The following TTC6 variants were observed in gnomAD, a reference collection of about 807,000 sequenced individuals.
The protein encoded by TTC6 is tetratricopeptide repeat domain 6, also known as tetratricopeptide repeat protein 6.
A neutral mutation model predicts 210.4 loss-of-function variants in TTC6; 172 were observed. That is an observed-to-expected ratio of 0.82 (90% confidence interval 0.72 to 0.93). TTC6 has a LOEUF of 0.93. TTC6 is among the 40% of genes least tolerant of loss of function. The pLI, the probability that TTC6 is intolerant of heterozygous loss-of-function variation, is 0.00. For missense variants in TTC6, 2,414 were observed against 2,318.1 expected, an observed-to-expected ratio of 1.04 and a Z score of -0.85; for synonymous variants, 804 against 819.6, an observed-to-expected ratio of 0.98 and a Z score of 0.32.
intron 1 of TTC6, among the ~76,000 whole-genome samples, chr14:37,604,163 G>GGGA (rs2095620874): frequency 6.6e-6 from 1 of 152,174 alleles, no homozygotes; most frequent in African/African-American, 2.4e-5. Flanking sequence ...AGGAGGAGAA[G>GGGA]GGAGCTCTCC....
rs111609115 is a variant in TTC6, at chr14:37,775,850, G to A, written c.3267-11618G>A. Reference sequence around the variant, plus strand: ...GATAGTTAGATCTTCTTGTTGGATCGAACCCTTTACCATTATGTAATGCCC... The same window carrying A: ...GATAGTTAGATCTTCTTGTTGGATCAAACCCTTTACCATTATGTAATGCCC... On this transcript the variant is annotated intron_variant, in intron 14 of 30. Coordinates refer to ENST00000553443, the Ensembl canonical transcript of TTC6. 2.2e-3 allele frequency among the ~76,000 whole-genome samples: 341 copies of A among 152,170 alleles called. 3 individuals are homozygous for A. Among genetic ancestry groups the A allele is most frequent in the African/African-American group, 7.7e-3 (319 of 41,532 alleles).
At chr14:37,599,105 G>C (rs1162511313) in intron 1 of TTC6, among the ~76,000 whole-genome samples, 2 of 152,196 alleles carry the variant, frequency 1.3e-5, no homozygotes, top group Non-Finnish European at 2.9e-5. Context: ...TCACACGTGC[G>C]TGTGCCTGGC....
At chr14:37,602,101 C>T (rs958875999) in intron 1 of TTC6, among the ~76,000 whole-genome samples, 3 of 152,224 alleles carry the variant, frequency 2.0e-5, no homozygotes, top group Admixed American at 1.3e-4. Flanking sequence ...TCCGTTGGGG[C>T]CCCTGCTCTT....
At position 37,637,361 on chromosome 14, in the gene TTC6, C is replaced by T. The variant is rs73263323; in HGVS notation, c.939+14358C>T. Among the ~76,000 whole-genome samples, 393 of 152,244 alleles carry T rather than the reference C, an allele frequency of 2.6e-3. 1 individual carries two copies. Among genetic ancestry groups the T allele is most frequent in the African/African-American group, 8.4e-3 (349 of 41,544 alleles). ...TGTTCTACAAAAGACCCTGTTAAGA[C>T]GATGAAATGACAAGCTGTGGACTGG... On this transcript the variant is annotated intron_variant, in intron 1 of 30. Coordinates refer to ENST00000553443, the Ensembl canonical transcript of TTC6.
At chr14:37,626,808 CA>C (rs1219392339) in intron 1 of TTC6, among the ~76,000 whole-genome samples, 1 of 152,148 alleles carries the variant, frequency 6.6e-6, no homozygotes, top group African/African-American at 2.4e-5. Flanking sequence ...CCTAGCAAGA[CA>C]AAAAATTTTT....
intron 7 of TTC6, among the ~76,000 whole-genome samples, chr14:37,734,204 G>C (rs909624850): frequency 6.6e-6 from 1 of 152,240 alleles, no homozygotes; most frequent in African/African-American, 2.4e-5. Context: ...GACTACCCTC[G>C]TGATAGAACC....
At chr14:37,823,655 T>G in intron 26 of TTC6, 92 bp from the exon 29 acceptor site, 2 of 1,160,322 alleles carry the variant, frequency 1.7e-6, no homozygotes, top group Non-Finnish European at 2.4e-6. Flanking sequence ...AATTCAAATC[T>G]TTATGGAAAA....
intron 29 of TTC6, among the ~76,000 whole-genome samples, chr14:37,839,762 A>G (rs2096205885): frequency 6.6e-6 from 1 of 152,114 alleles, no homozygotes; most frequent in Non-Finnish European, 1.5e-5. Context: ...GTTTTCTTCT[A>G]GAGTTTTTAT....
chr14:37,840,832 C>T (rs960816847), intron 29 of TTC6, among the ~76,000 whole-genome samples: 3 of 150,638 alleles, frequency 2.0e-5, no homozygotes, highest in Non-Finnish European at 4.4e-5. Context: ...TAGCTCTATA[C>T]AGGGATCTGG....
Position 37,714,578 on chromosome 14 carries a change from G to A in TTC6, c.1572-77G>A, listed in dbSNP as rs963872472. 2.6e-6 allele frequency: 3 copies of A among 1,172,880 alleles called. No homozygotes were observed. The African/African-American group carries it at 4.6e-5, about 18-fold the overall frequency. 72.7% of individuals were successfully genotyped at this position (1,172,880 alleles called of 1,614,324 possible). A position where few individuals can be genotyped will look rare whatever the true frequency, so the allele number is the denominator to read the frequency against. On this transcript the variant is annotated intron_variant, in intron 5 of 30. Transcript: ENST00000553443. ...ATGTCCATGTGTTTATTTCAGTGGA[G>A]TTATGAAATGAGGGCAAACACCTTA...
chr14:37,732,831 C>A (rs2095891434), intron 7 of TTC6, among the ~76,000 whole-genome samples: 1 of 151,680 alleles, frequency 6.6e-6, no homozygotes, highest in Non-Finnish European at 1.5e-5. Context: ...TGGCTTCAAT[C>A]TCCTGACCTC....
chr14:37,835,222 C>T (rs1041829234), intron 29 of TTC6, among the ~76,000 whole-genome samples: 2 of 152,062 alleles, frequency 1.3e-5, no homozygotes, highest in Admixed American at 1.3e-4. Context: ...GTGTCCATGG[C>T]AGGGTGAGTG....
chr14:37,631,033 C>T (rs2095669046), intron 1 of TTC6, among the ~76,000 whole-genome samples: 1 of 145,500 alleles, frequency 6.9e-6, no homozygotes, highest in Non-Finnish European at 1.5e-5. Flanking sequence ...TTTCTGAATA[C>T]AGCCTACTGA....
chr14:37,611,491 CG>C (rs1299449122), intron 2 of TTC6: 2 of 152,670 alleles, frequency 1.3e-5, no homozygotes, highest in Non-Finnish European at 2.9e-5. Context: ...AGGTTCACCC[CG>C]GCAGAAATCA....
intron 27 of TTC6, 84 bp from the exon 30 acceptor site, chr14:37,826,111 G>T: frequency 7.2e-7 from 1 of 1,391,532 alleles, no homozygotes; most frequent in Non-Finnish European, 9.6e-7. Context: ...CTTACTAAAG[G>T]TTTTATTTGA....
At position 37,682,743 on chromosome 14, in the gene TTC6, T is replaced by C; in HGVS notation, c.1051-15T>C. ...TAAAAAAAAAGCATTCTTGCACATT[T>C]ACTTTTTCCAACAGAGCGTGCATAA... is the stretch of plus-strand genomic sequence containing the variant. On this transcript the variant is annotated splice_polypyrimidine_tract_variant and intron_variant, in intron 2 of 30. Coordinates refer to ENST00000553443, the Ensembl canonical transcript of TTC6. The C allele has an allele frequency of 6.5e-7, 1 of 1,533,724 alleles. No individual in the cohort carries two copies. The highest frequency in any genetic ancestry group is 8.7e-7 in the Non-Finnish European group (1 of 1,145,578).
At chr14:37,658,116 T>A (rs1327081527) in intron 1 of TTC6, among the ~76,000 whole-genome samples, 1 of 152,168 alleles carries the variant, frequency 6.6e-6, no homozygotes, top group Non-Finnish European at 1.5e-5. Flanking sequence ...TTTCCACAAA[T>A]TTTTAATTGA....
At chr14:37,733,058 C>T (rs982022926) in intron 7 of TTC6, among the ~76,000 whole-genome samples, 3 of 152,078 alleles carry the variant, frequency 2.0e-5, no homozygotes, top group Non-Finnish European at 2.9e-5. Context: ...CAAGGGTCAA[C>T]GGTATGTTTT....
chr14:37,784,332 T>C (rs1259131421), intron 14 of TTC6, among the ~76,000 whole-genome samples: 1 of 152,230 alleles, frequency 6.6e-6, no homozygotes, highest in Non-Finnish European at 1.5e-5. Flanking sequence ...ATATTTAGGA[T>C]AGTTAGCTCT....
Sources: allele counts gnomAD v4.1 joint callset (sites outside exome capture counted in the v4.1 genomes callset), GRCh38; gene constraint gnomAD v4.1.1; transcripts MANE v1.5; gene names NCBI Gene and HGNC (gene_info 2026-07-23, HGNC 2026-07-21).